TMEM117: variants seen among roughly 807,000 people sequenced by gnomAD.
TMEM117 encodes transmembrane protein 117.
Under a neutral mutation model 52.4 loss-of-function variants are expected in TMEM117, and 27 were observed. The ratio of observed to expected loss-of-function variants is 0.51; its 90% CI spans 0.38 to 0.71. TMEM117 has a LOEUF of 0.71. Among genes scored for constraint, TMEM117 ranks in the 30% least tolerant of loss-of-function variants. The probability of loss-of-function intolerance (pLI) is 0.00; values close to 1 mark genes in which losing one functional copy is unlikely to be tolerated. For synonymous variants in TMEM117, 215 were observed against 206.3 expected, an observed-to-expected ratio of 1.04 and a Z score of -0.36; for missense variants, 556 against 630.5, an observed-to-expected ratio of 0.88 and a Z score of 1.26.
chr12:44,375,358 C>T (rs1951927252), intron 6 of TMEM117, among the ~76,000 whole-genome samples: 1 of 152,136 alleles, frequency 6.6e-6, no homozygotes. Flanking sequence ...TTGCATCGTT[C>T]TGTTTTACTT....
At chr12:44,156,885 T>C (rs1948832932) in intron 4 of TMEM117, among the ~76,000 whole-genome samples, 1 of 152,082 alleles carries the variant, frequency 6.6e-6, no homozygotes. Context: ...GAGTTAAGTC[T>C]AGAACTTGCT....
At chr12:44,122,165 C>T (rs1592535665) in intron 3 of TMEM117, among the ~76,000 whole-genome samples, 2 of 152,108 alleles carry the variant, frequency 1.3e-5, no homozygotes, top group East Asian at 3.9e-4. Flanking sequence ...CTACCTCAGC[C>T]TCCCGAGTAG....
At chr12:44,285,295 A>G (rs1025709619) in intron 5 of TMEM117, among the ~76,000 whole-genome samples, 3 of 152,222 alleles carry the variant, frequency 2.0e-5, no homozygotes, top group African/African-American at 7.2e-5. Flanking sequence ...GAGATATACA[A>G]AGATAAATAA....
intron 2 of TMEM117, among the ~76,000 whole-genome samples, chr12:43,935,039 A>G (rs2137589992): frequency 2.0e-5 from 3 of 151,972 alleles, no homozygotes; most frequent in African/African-American, 7.2e-5. Flanking sequence ...GCAAGGTCTC[A>G]CTCTGTCACC....
intron 3 of TMEM117, among the ~76,000 whole-genome samples, chr12:44,068,003 T>C (rs1947247604): frequency 6.6e-6 from 1 of 152,242 alleles, no homozygotes; most frequent in African/African-American, 2.4e-5. Flanking sequence ...CCATTAGCAC[T>C]TGCTTCTTCA....
intron 4 of TMEM117, among the ~76,000 whole-genome samples, chr12:44,146,026 AT>A (rs1275683687): frequency 2.6e-5 from 4 of 152,008 alleles, no homozygotes; most frequent in Non-Finnish European, 5.9e-5. Context: ...GTTCATTATT[AT>A]TATTTTTTAA....
chr12:43,816,801 A>G, the TMEM117 span, among the ~76,000 whole-genome samples: 3 of 152,268 alleles, frequency 2.0e-5, no homozygotes, highest in African/African-American at 7.2e-5. Context: ...TATTGAAAAT[A>G]AACTACCTGA....
At chr12:44,273,049 T>G (rs996066348) in intron 5 of TMEM117, among the ~76,000 whole-genome samples, 1 of 152,080 alleles carries the variant, frequency 6.6e-6, no homozygotes, top group Non-Finnish European at 1.5e-5. Context: ...CCATAAAAAA[T>G]GATGAGTTCA....
At chr12:44,014,055 A>T (rs1946336426) in intron 3 of TMEM117, among the ~76,000 whole-genome samples, 1 of 152,110 alleles carries the variant, frequency 6.6e-6, no homozygotes, top group Non-Finnish European at 1.5e-5. Context: ...ACAACTGTGG[A>T]CTAGAGAAGG....
At chr12:44,087,286 A>G (rs1426267610) in intron 3 of TMEM117, among the ~76,000 whole-genome samples, 1 of 152,142 alleles carries the variant, frequency 6.6e-6, no homozygotes, top group African/African-American at 2.4e-5. Context: ...TTCACTAATT[A>G]CTTCAAGGTA....
At chr12:43,923,379 A>T (rs1386643124) in intron 2 of TMEM117, among the ~76,000 whole-genome samples, 2 of 152,234 alleles carry the variant, frequency 1.3e-5, no homozygotes, top group Admixed American at 1.3e-4. Flanking sequence ...TTCATTTGTT[A>T]GATGTACAGA....
intron 4 of TMEM117, among the ~76,000 whole-genome samples, chr12:44,150,475 C>T (rs1468179037): frequency 6.6e-6 from 1 of 152,012 alleles, no homozygotes; most frequent in East Asian, 1.9e-4. Context: ...ATCGCACAGA[C>T]AAAACCCAAG....
intron 2 of TMEM117, among the ~76,000 whole-genome samples, chr12:43,942,409 C>A (rs1200913202): frequency 1.3e-5 from 2 of 151,696 alleles, no homozygotes; most frequent in Non-Finnish European, 2.9e-5. Context: ...CTTGAAAATC[C>A]CTGGTTTTTC....
rs573595711 is a variant in TMEM117 at position 43,856,013 on chromosome 12, G to A, written c.277+11085G>A. On this transcript the variant is annotated intron_variant, in intron 2 of 7. Transcript: ENST00000266534. ...GGTTTGACTTCCTTTGTGTTAATTT[G>A]AGATCTGAATAGCTGAATAGTATAA... Among the ~76,000 whole-genome samples the A allele has an allele frequency of 2.7e-3, 417 of 152,248 alleles. 1 individual carries two copies. The highest frequency in any genetic ancestry group is 4.7e-3 in the Non-Finnish European group (322 of 68,032).
At chr12:44,023,882 AC>A (rs1332008759) in intron 3 of TMEM117, among the ~76,000 whole-genome samples, 1 of 151,634 alleles carries the variant, frequency 6.6e-6, no homozygotes, top group East Asian at 1.9e-4. Context: ...GTTAATGGGT[AC>A]AGCACACCAA....
At chr12:44,147,067 C>A (rs1328083594) in intron 4 of TMEM117, among the ~76,000 whole-genome samples, 2 of 152,068 alleles carry the variant, frequency 1.3e-5, no homozygotes, top group African/African-American at 4.8e-5. Context: ...ATGCAGAGGA[C>A]AAGAGATATA....
At chr12:43,879,365 T>C (rs926985556) in intron 2 of TMEM117, among the ~76,000 whole-genome samples, 1 of 152,252 alleles carries the variant, frequency 6.6e-6, no homozygotes, top group Non-Finnish European at 1.5e-5. Flanking sequence ...GACTACTGTA[T>C]ATTTCAGTGT....
At chr12:43,881,749 A>ATTGCACTCC (rs890794636) in intron 2 of TMEM117, among the ~76,000 whole-genome samples, 4 of 118,314 alleles carry the variant, frequency 3.4e-5, no homozygotes, top group Non-Finnish European at 4.9e-5. Context: ...AGATGGCCCC[A>ATTGCACTCC]TTGCACTCCA....
At chr12:44,253,845 C>T (rs1450270871) in intron 5 of TMEM117, among the ~76,000 whole-genome samples, 1 of 141,814 alleles carries the variant, frequency 7.1e-6, no homozygotes, top group African/African-American at 2.8e-5. Flanking sequence ...TACACACACA[C>T]ACACACACAC....
Sources: gnomAD v4.1 joint callset for allele counts (sites outside exome capture counted in the v4.1 genomes callset) on GRCh38, gnomAD v4.1.1 for gene constraint, MANE v1.5 for transcripts, NCBI Gene and HGNC (gene_info 2026-07-23, HGNC 2026-07-21) for gene names.